The following ENOX1 variants were observed in gnomAD, a reference collection of about 807,000 sequenced individuals.
ENOX1 encodes the protein ecto-NOX disulfide-thiol exchanger 1, also known as candidate growth-related and time keeping constitutive hydroquinone (NADH) oxidase.
ENOX1 carries 42 observed loss-of-function variants against 82.5 expected under a neutral mutation model. The observed-to-expected ratio is 0.51, with a 90% CI of 0.40 to 0.66. The LOEUF is 0.66. ENOX1 is among the 30% of genes least tolerant of loss of function. ENOX1 has a pLI of 0.00. For missense variants in ENOX1, 608 were observed against 811.6 expected, an observed-to-expected ratio of 0.75 and a Z score of 3.05; for synonymous variants, 271 against 282.2, an observed-to-expected ratio of 0.96 and a Z score of 0.40.
At chr13:43,718,993 C>T (rs1272151413) in intron 1 of ENOX1, among the ~76,000 whole-genome samples, 2 of 152,018 alleles carry the variant, frequency 1.3e-5, no homozygotes, top group Non-Finnish European at 2.9e-5. Flanking sequence ...AAAAAATTAT[C>T]GTCATCCTGT....
At chr13:43,494,809 C>T (rs765760122) in intron 2 of ENOX1, among the ~76,000 whole-genome samples, 1 of 152,024 alleles carries the variant, frequency 6.6e-6, no homozygotes, top group Non-Finnish European at 1.5e-5. Flanking sequence ...AAGGCTATTG[C>T]TATTTGAATA....
intron 1 of ENOX1, among the ~76,000 whole-genome samples, chr13:43,712,570 G>C (rs934443046): frequency 6.1e-5 from 9 of 148,178 alleles, no homozygotes; most frequent in African/African-American, 7.3e-5. Context: ...TCTTCCATTT[G>C]TTTGTATCCT....
At chr13:43,221,136 T>TTACG (rs2041765689) in intron 16 of ENOX1, among the ~76,000 whole-genome samples, 1 of 152,168 alleles carries the variant, frequency 6.6e-6, no homozygotes, top group South Asian at 2.1e-4. Context: ...TGTGGCCACA[T>TTACG]TACGCTGAGT....
rs567572753 is a variant in ENOX1 at position 43,307,843 on chromosome 13, T to C, written c.1262-9313A>G. Among the ~76,000 whole-genome samples the C allele has an allele frequency of 3.3e-5, 5 of 152,374 alleles. No homozygotes were observed. In the South Asian group the frequency reaches 6.2e-4, roughly 19 times the overall value. On this transcript the variant is annotated intron_variant, in intron 11 of 16. Transcript: ENST00000690772. Reference sequence around the variant, plus strand: ...ATATGTCTGGAGAAAGTTTCTGCTATGGCAGGCTTGTGGCTTGCACCCAGG... The same window carrying C: ...ATATGTCTGGAGAAAGTTTCTGCTACGGCAGGCTTGTGGCTTGCACCCAGG...
intron 2 of ENOX1, among the ~76,000 whole-genome samples, chr13:43,556,752 A>G (rs1052297968): frequency 4.3e-4 from 66 of 152,238 alleles, no homozygotes; most frequent in African/African-American, 1.5e-3. Flanking sequence ...CTGACCATCT[A>G]AGTGGGTACA....
intron 1 of ENOX1, among the ~76,000 whole-genome samples, chr13:43,745,690 C>A (rs1332856786): frequency 6.6e-6 from 1 of 152,160 alleles, no homozygotes; most frequent in Non-Finnish European, 1.5e-5. Flanking sequence ...GTCCCTACCC[C>A]AATCTTATCT....
chr13:43,286,072 A>G (rs1477533424), intron 12 of ENOX1, among the ~76,000 whole-genome samples: 1 of 152,182 alleles, frequency 6.6e-6, no homozygotes, highest in Non-Finnish European at 1.5e-5. Flanking sequence ...GGCTGGGAGC[A>G]GGACACCTGC....
intron 8 of ENOX1, among the ~76,000 whole-genome samples, chr13:43,347,238 GA>G (rs2049448813): frequency 1.3e-5 from 2 of 152,252 alleles, no homozygotes; most frequent in South Asian, 4.1e-4. Context: ...TATAGTTTCA[GA>G]AAGAGGAAAC....
intron 1 of ENOX1, among the ~76,000 whole-genome samples, chr13:43,709,100 G>A (rs1325169981): frequency 6.6e-6 from 1 of 152,078 alleles, no homozygotes; most frequent in African/African-American, 2.4e-5. Context: ...GTTTAATAAA[G>A]AGACAACACA....
rs1443229154 is a variant in ENOX1 at position 43,249,728 on chromosome 13, A to G, written c.1612-12990T>C. Among the ~76,000 whole-genome samples, 3 of 152,302 alleles carry G rather than the reference A, an allele frequency of 2.0e-5. No homozygotes were observed. In the East Asian group the frequency reaches 5.8e-4, roughly 29 times the overall value. ...AAATTAGGTCATAAAAATAGATGGG[A>G]CACAATCTGATAAATGAGAAAGAGA... On this transcript the variant is annotated intron_variant, in intron 14 of 16. Coordinates refer to ENST00000690772, the MANE Select transcript of ENOX1 (RefSeq NM_001347969.2).
intron 5 of ENOX1, among the ~76,000 whole-genome samples, chr13:43,366,399 T>C (rs7326969): frequency 0.84 from 127,411 of 151,792 alleles, 53,567 homozygotes; most frequent in South Asian, 0.94. Context: ...CTCAGCCTCC[T>C]GAGTAGCTGG....
intron 5 of ENOX1, among the ~76,000 whole-genome samples, chr13:43,391,201 G>A (rs774979708): frequency 3.3e-5 from 5 of 152,032 alleles, no homozygotes; most frequent in Admixed American, 2.6e-4. Flanking sequence ...CTTGGATCCC[G>A]TAACGTTGCA....
chr13:43,271,650 C>T (rs2044688975), intron 12 of ENOX1, among the ~76,000 whole-genome samples: 1 of 149,582 alleles, frequency 6.7e-6, no homozygotes, highest in African/African-American at 2.5e-5. Flanking sequence ...ACACTTACAA[C>T]TCTTCCTTCT....
At chr13:43,395,670 C>T (rs1379709491) in intron 5 of ENOX1, among the ~76,000 whole-genome samples, 1 of 152,174 alleles carries the variant, frequency 6.6e-6, no homozygotes, top group Non-Finnish European at 1.5e-5. Flanking sequence ...ATTATCCATA[C>T]TTTCGTTATT....
intron 9 of ENOX1, among the ~76,000 whole-genome samples, chr13:43,340,027 A>AAGC (rs1250125338): frequency 1.3e-5 from 2 of 152,226 alleles, no homozygotes; most frequent in African/African-American, 4.8e-5. Flanking sequence ...GAGCTGTGGA[A>AAGC]AGCAAGAAGT....
chr13:43,564,544 AC>A (rs1462256178), intron 2 of ENOX1, among the ~76,000 whole-genome samples: 4 of 152,176 alleles, frequency 2.6e-5, no homozygotes, highest in African/African-American at 9.6e-5. Flanking sequence ...GAAGAGCCTT[AC>A]AAAAACACTT....
chr13:43,777,825 C>T (rs1952011418), intron 1 of ENOX1, among the ~76,000 whole-genome samples: 1 of 151,996 alleles, frequency 6.6e-6, no homozygotes. Context: ...TGTATTATTT[C>T]TCAAAATTGC....
At chr13:43,241,105 G>C (rs1430406431) in intron 14 of ENOX1, among the ~76,000 whole-genome samples, 1 of 152,226 alleles carries the variant, frequency 6.6e-6, no homozygotes, top group South Asian at 2.1e-4. Flanking sequence ...TTTAGTAATT[G>C]GGGAACACAT....
intron 14 of ENOX1, among the ~76,000 whole-genome samples, chr13:43,260,866 G>T (rs1450331795): frequency 6.6e-6 from 1 of 152,148 alleles, no homozygotes; most frequent in Non-Finnish European, 1.5e-5. Flanking sequence ...CTGGAATAAA[G>T]GTTAGTTTTA....
Sources: gnomAD v4.1 joint callset for allele counts (sites outside exome capture counted in the v4.1 genomes callset) on GRCh38, gnomAD v4.1.1 for gene constraint, MANE v1.5 for transcripts, NCBI Gene and HGNC (gene_info 2026-07-23, HGNC 2026-07-21) for gene names.